The following ASTN2 variants were observed in gnomAD, a reference collection of about 807,000 sequenced individuals.
ASTN2 encodes the protein astrotactin-2.
In ASTN2, 54 loss-of-function variants were observed where a neutral mutation model predicts 139.8. The observed-to-expected ratio is 0.39, with a 90% CI of 0.31 to 0.48. The LOEUF is 0.48. ASTN2 is among the 20% of genes least tolerant of loss of function. The pLI is 0.95. For synonymous variants in ASTN2, 756 were observed against 719.5 expected (o/e 1.05, Z -0.81); for missense variants, 1,565 against 1,725.1 (o/e 0.91, Z 1.64).
chr9:116,949,356 G>T (rs568211794), intron 10 of ASTN2, among the ~76,000 whole-genome samples: 1 of 152,052 alleles, frequency 6.6e-6, no homozygotes, highest in Admixed American at 6.6e-5. Context: ...TTAAAAAATC[G>T]TACTTGAACT....
At chr9:116,904,665 A>G (rs1013624872) in intron 10 of ASTN2, among the ~76,000 whole-genome samples, 3 of 152,220 alleles carry the variant, frequency 2.0e-5, no homozygotes, top group African/African-American at 7.2e-5. Flanking sequence ...GCATAGTTGG[A>G]GTGCTATAGA....
intron 1 of ASTN2, among the ~76,000 whole-genome samples, chr9:117,294,184 C>T (rs112407282): frequency 8.5e-4 from 130 of 152,348 alleles, no homozygotes; most frequent in African/African-American, 2.7e-3. Flanking sequence ...ATTTCCAGTC[C>T]ATGCAATTTC....
At chr9:117,060,348 A>G (rs866219448) in intron 5 of ASTN2, among the ~76,000 whole-genome samples, 57 of 52,688 alleles carry the variant, frequency 1.1e-3, no homozygotes, top group East Asian at 3.4e-3. Flanking sequence ...GAAAGAGAGA[A>G]AGAAAGAAAG....
rs191858263 is a variant in ASTN2, at chr9:117,150,218, G to T, written c.1016-8740C>A. ...CAGATGGTCTCTAAGATTCCCTCCG[G>T]TTCCATCATCCTGTGTTCCTAAATG... On this transcript the variant is annotated intron_variant, in intron 3 of 22. Transcript: ENST00000313400. Among the ~76,000 whole-genome samples the T allele has an allele frequency of 1.5e-4, 23 of 152,258 alleles. No homozygotes were observed. The East Asian group carries it at 1.5e-3, about 10-fold the overall frequency.
At chr9:117,199,640 A>AT (rs199885162) in intron 3 of ASTN2, among the ~76,000 whole-genome samples, 2,795 of 120,562 alleles carry the variant, frequency 0.023, 43 homozygotes, top group Middle Eastern at 0.048. Context: ...AATTTAAAGT[A>AT]GTTTTTTTTT....
At chr9:116,930,421 T>G (rs1015828056) in intron 10 of ASTN2, among the ~76,000 whole-genome samples, 1 of 151,994 alleles carries the variant, frequency 6.6e-6, no homozygotes, top group Non-Finnish European at 1.5e-5. Context: ...CTGAGAGAGG[T>G]GTCAAGTCTC....
chr9:116,499,392 T>C (rs1051286100), intron 19 of ASTN2, among the ~76,000 whole-genome samples: 2 of 152,144 alleles, frequency 1.3e-5, no homozygotes, highest in Non-Finnish European at 2.9e-5. Context: ...GGACAACTAA[T>C]GTTCATCCCT....
chr9:116,976,087 T>G (rs746310556), intron 9 of ASTN2, 27 bp downstream of exon 9: 3 of 1,608,292 alleles, frequency 1.9e-6, no homozygotes, highest in South Asian at 2.2e-5. Flanking sequence ...TTCCCAGAAT[T>G]ATGCCCCAAC....
chr9:117,389,236 C>T (rs762852501), intron 1 of ASTN2, among the ~76,000 whole-genome samples: 4 of 152,170 alleles, frequency 2.6e-5, no homozygotes, highest in Admixed American at 6.5e-5. Flanking sequence ...GGTTTTTCTT[C>T]TTTAAGCCTA....
At chr9:117,078,922 G>C (rs1048730391) in intron 5 of ASTN2, among the ~76,000 whole-genome samples, 2 of 152,088 alleles carry the variant, frequency 1.3e-5, no homozygotes, top group African/African-American at 4.8e-5. Flanking sequence ...TTTTAGTAGA[G>C]AGGGGGTTTC....
intron 19 of ASTN2, among the ~76,000 whole-genome samples, chr9:116,594,289 T>A (rs148997588): frequency 6.6e-6 from 1 of 152,306 alleles, no homozygotes; most frequent in East Asian, 1.9e-4. Context: ...ACCTACCTAA[T>A]CTGTGCTCAA....
intron 3 of ASTN2, among the ~76,000 whole-genome samples, chr9:117,183,139 T>C (rs7867405): frequency 0.17 from 25,444 of 152,014 alleles, 2,238 homozygotes; most frequent in Non-Finnish European, 0.19. Flanking sequence ...CCTGGCAGCT[T>C]TGTGTTAATT....
At chr9:116,646,760 C>T (rs964540551) in intron 17 of ASTN2, among the ~76,000 whole-genome samples, 18 of 152,282 alleles carry the variant, frequency 1.2e-4, no homozygotes, top group African/African-American at 4.3e-4. Flanking sequence ...TTGCAAGGAT[C>T]ACTAAGAGGA....
chr9:117,262,110 T>G (rs1170461492), intron 2 of ASTN2, among the ~76,000 whole-genome samples: 1 of 152,180 alleles, frequency 6.6e-6, no homozygotes, highest in Non-Finnish European at 1.5e-5. Context: ...AGCCTAGTAA[T>G]TTCCAGGACT....
At chr9:116,487,858 C>T (rs1849390238) in intron 19 of ASTN2, among the ~76,000 whole-genome samples, 1 of 151,914 alleles carries the variant, frequency 6.6e-6, no homozygotes, top group Admixed American at 6.5e-5. Flanking sequence ...TATTCACTCC[C>T]TGTTAACTCC....
At chr9:116,730,655 C>A (rs905861710) in intron 14 of ASTN2, among the ~76,000 whole-genome samples, 1 of 152,204 alleles carries the variant, frequency 6.6e-6, no homozygotes, top group Non-Finnish European at 1.5e-5. Flanking sequence ...CCTTCCATTA[C>A]TGCTCATTCA....
intron 16 of ASTN2, among the ~76,000 whole-genome samples, chr9:116,674,838 C>A (rs555232204): frequency 6.6e-6 from 1 of 152,300 alleles, no homozygotes; most frequent in East Asian, 1.9e-4. Flanking sequence ...GCACTCCTGG[C>A]TCACTGGCTT....
intron 1 of ASTN2, among the ~76,000 whole-genome samples, chr9:117,340,960 G>A (rs532618706): frequency 6.6e-6 from 1 of 152,246 alleles, no homozygotes; most frequent in Admixed American, 6.5e-5. Flanking sequence ...TGACAACCCT[G>A]AGAAGGCTCT....
At chr9:116,837,738 G>C (rs1832049817) in intron 11 of ASTN2, among the ~76,000 whole-genome samples, 2 of 152,176 alleles carry the variant, frequency 1.3e-5, no homozygotes, top group Admixed American at 1.3e-4. Flanking sequence ...ATTTGTCCTA[G>C]GGCCTGAGTG....
Sources: allele counts gnomAD v4.1 joint callset (sites outside exome capture counted in the v4.1 genomes callset), GRCh38; gene constraint gnomAD v4.1.1; transcripts MANE v1.5; gene names NCBI Gene and HGNC (gene_info 2026-07-23, HGNC 2026-07-21).